The following CDC42SE2 variants were observed in gnomAD, a reference collection of about 807,000 sequenced individuals.
The protein encoded by CDC42SE2 is CDC42 small effector 2, also known as CDC42 small effector protein 2.
CDC42SE2 carries 3 observed loss-of-function variants against 11.5 expected under a neutral mutation model. The ratio of observed to expected loss-of-function variants is 0.26; its 90% confidence interval spans 0.12 to 0.67. The LOEUF (loss-of-function observed/expected upper bound fraction) is 0.67, where lower values mean the gene tolerates loss of function less well. Ranked by LOEUF, CDC42SE2 falls within the 30% of genes least tolerant of loss-of-function variation. The pLI, the probability that CDC42SE2 is intolerant of heterozygous loss-of-function variation, is 0.80. For missense variants in CDC42SE2, 82 were observed against 106.8 expected, an observed-to-expected ratio of 0.77 and a Z score of 1.02; for synonymous variants, 33 against 34.8, an observed-to-expected ratio of 0.95 and a Z score of 0.18.
chr5:131,379,022 T>A (rs1241362691), intron 3 of CDC42SE2, among the ~76,000 whole-genome samples: 1 of 152,194 alleles, frequency 6.6e-6, no homozygotes, highest in Non-Finnish European at 1.5e-5. Context: ...AAGACACAAT[T>A]TGGAAATAGT....
chr5:131,374,272 T>C (rs1333176399), intron 3 of CDC42SE2, among the ~76,000 whole-genome samples: 2 of 152,148 alleles, frequency 1.3e-5, no homozygotes, highest in African/African-American at 4.8e-5. Context: ...CAATTAATGA[T>C]AGTTTCATTA....
the CDC42SE2 span, among the ~76,000 whole-genome samples, chr5:131,233,178 T>C: frequency 6.6e-6 from 1 of 152,078 alleles, no homozygotes; most frequent in Non-Finnish European, 1.5e-5. Context: ...TGTTTTTCCA[T>C]CTAAAAATAT....
In CDC42SE2 at chr5:131,391,810, G is replaced by A. The variant is rs1750662253; in HGVS notation, c.*719G>A. ...CCTGAAAATGTAGAAATAATTTCAA[G>A]TTTTTTTTTGTTTTATAGGGTTATT... On this transcript the variant is annotated 3_prime_UTR_variant, in exon 5 of 5. Transcript: ENST00000505065. 6.6e-6 allele frequency: 1 copy of A among 151,628 alleles called. No individual in the cohort carries two copies. Among genetic ancestry groups the A allele is most frequent in the African/African-American group, 2.4e-5 (1 of 41,256 alleles). 9.4% of individuals were successfully genotyped at this position (151,628 alleles called of 1,614,324 possible).
At chr5:131,314,992 T>C (rs1439305770) in intron 1 of CDC42SE2, among the ~76,000 whole-genome samples, 3 of 152,162 alleles carry the variant, frequency 2.0e-5, no homozygotes, top group Admixed American at 1.3e-4. Context: ...GTTCAAGTTA[T>C]GTGTTTTGGA....
chr5:131,322,809 T>C (rs1034958737), intron 2 of CDC42SE2, among the ~76,000 whole-genome samples: 1 of 152,240 alleles, frequency 6.6e-6, no homozygotes, highest in Non-Finnish European at 1.5e-5. Context: ...TTTCCAAATA[T>C]ATCCCAGAAG....
chr5:131,372,287 G>C (rs1750032052), intron 3 of CDC42SE2, among the ~76,000 whole-genome samples: 2 of 152,138 alleles, frequency 1.3e-5, no homozygotes, highest in Admixed American at 6.5e-5. Context: ...AAATTTTTAA[G>C]AAACCTAAGG....
At chr5:131,348,395 G>C (rs902434318) in intron 2 of CDC42SE2, among the ~76,000 whole-genome samples, 10 of 152,082 alleles carry the variant, frequency 6.6e-5, no homozygotes, top group Non-Finnish European at 1.0e-4. Context: ...TTCACACTTG[G>C]TACAAAGAGA....
intron 4 of CDC42SE2, among the ~76,000 whole-genome samples, chr5:131,389,265 G>A (rs930093852): frequency 2.6e-5 from 4 of 152,154 alleles, no homozygotes; most frequent in Non-Finnish European, 4.4e-5. Flanking sequence ...GGAAGATGAC[G>A]AATTTGAACT....
At chr5:131,263,989 AG>A (rs1350919731), upstream of CDC42SE2, 1 of 151,126 alleles carries the variant, frequency 6.6e-6, no homozygotes, top group Non-Finnish European at 1.5e-5. Context: ...CGGCCGCTCT[AG>A]GGGCGCGCGC....
chr5:131,369,259 C>T (rs961485772), intron 3 of CDC42SE2, among the ~76,000 whole-genome samples: 5 of 152,126 alleles, frequency 3.3e-5, no homozygotes, highest in African/African-American at 1.2e-4. Flanking sequence ...ATGCAGATAG[C>T]TAATTTTTAT....
chr5:131,345,702 T>A (rs1758823757), intron 2 of CDC42SE2, among the ~76,000 whole-genome samples: 1 of 152,164 alleles, frequency 6.6e-6, no homozygotes. Context: ...AATTGTCAGA[T>A]TCACCAAGGT....
At position 131,370,142 on chromosome 5, in the gene CDC42SE2, C is replaced by G. The variant is rs187028409; in HGVS notation, c.54+10595C>G. On this transcript the variant is annotated intron_variant, in intron 3 of 4. Coordinates refer to ENST00000505065, the MANE Select transcript of CDC42SE2 (RefSeq NM_001375635.1). ...TGTGCCCCCTTTGGGTGAGCACATT[C>G]CATGTTGTAGACCATTGATCATAGT... 5.3e-5 allele frequency among the ~76,000 whole-genome samples: 8 copies of G among 152,272 alleles called. No individual in the cohort carries two copies. The East Asian group carries it at 1.2e-3, about 22-fold the overall frequency.
At chr5:131,217,682 A>C in the CDC42SE2 span, among the ~76,000 whole-genome samples, 1 of 152,190 alleles carries the variant, frequency 6.6e-6, no homozygotes, top group Non-Finnish European at 1.5e-5. Flanking sequence ...CCCATCTATG[A>C]CACAAAAAAG....
intron 4 of CDC42SE2, among the ~76,000 whole-genome samples, chr5:131,390,282 C>G (rs1750610391): frequency 6.6e-6 from 1 of 152,010 alleles, no homozygotes; most frequent in Non-Finnish European, 1.5e-5. Flanking sequence ...TTTGGTTGGT[C>G]CAATTTTATT....
chr5:131,344,752 T>G (rs1451094335), intron 2 of CDC42SE2, among the ~76,000 whole-genome samples: 1 of 152,184 alleles, frequency 6.6e-6, no homozygotes, highest in Non-Finnish European at 1.5e-5. Context: ...CACATCCCAG[T>G]AGGGGCTGAC....
rs542794237 is a variant in CDC42SE2, at chr5:131,387,053, G to GT, written c.156+1410dup. ...TGACTGCTTTGTGGAAATGCAAGAG[G>GT]TATCATGTTGCTGTCAAAACAGTCA... On this transcript the variant is annotated intron_variant, in intron 4 of 4. Coordinates refer to ENST00000505065, the MANE Select transcript of CDC42SE2 (RefSeq NM_001375635.1). Among the ~76,000 whole-genome samples the GT allele has an allele frequency of 1.2e-4, 18 of 152,320 alleles. No individual in the cohort carries two copies. In the South Asian group the frequency reaches 3.7e-3, roughly 32 times the overall value.
At chr5:131,282,198 G>C (rs1757249383) in intron 1 of CDC42SE2, among the ~76,000 whole-genome samples, 1 of 152,182 alleles carries the variant, frequency 6.6e-6, no homozygotes, top group Non-Finnish European at 1.5e-5. Context: ...AATTATTGCT[G>C]ACCAAAATTG....
intron 2 of CDC42SE2, among the ~76,000 whole-genome samples, chr5:131,328,707 G>T (rs908727736): frequency 6.6e-6 from 1 of 152,128 alleles, no homozygotes; most frequent in African/African-American, 2.4e-5. Flanking sequence ...AGTAGTTTAT[G>T]TTATAGATGT....
At chr5:131,229,388 A>C in the CDC42SE2 span, among the ~76,000 whole-genome samples, 2 of 151,860 alleles carry the variant, frequency 1.3e-5, no homozygotes, top group African/African-American at 4.8e-5. Flanking sequence ...CTGTAATTTA[A>C]TTTACTATGT....
Sources: allele counts gnomAD v4.1 joint callset (sites outside exome capture counted in the v4.1 genomes callset), GRCh38; gene constraint gnomAD v4.1.1; transcripts MANE v1.5; gene names NCBI Gene and HGNC (gene_info 2026-07-23, HGNC 2026-07-21).